ZNF423: variants seen among roughly 807,000 people sequenced by gnomAD.
ZNF423 encodes the protein Ebf-associated zinc finger protein.
A neutral mutation model predicts 95.8 loss-of-function variants in ZNF423; 12 were observed. The ratio of observed to expected loss-of-function variants is 0.13; its 90% confidence interval spans 0.08 to 0.20. The LOEUF (loss-of-function observed/expected upper bound fraction) is 0.20, where lower values mean the gene tolerates loss of function less well. ZNF423 is among the 10% of genes least tolerant of loss of function. The probability of loss-of-function intolerance (pLI) is 1.00; values close to 1 mark genes in which losing one functional copy is unlikely to be tolerated. For missense variants in ZNF423, 1,316 were observed against 1,737.1 expected (o/e 0.76, Z 4.31); for synonymous variants, 749 against 711.9 (o/e 1.05, Z -0.83).
intron 3 of ZNF423, among the ~76,000 whole-genome samples, chr16:49,652,424 T>C (rs1262481976): frequency 6.6e-6 from 1 of 151,170 alleles, no homozygotes; most frequent in Non-Finnish European, 1.5e-5. Context: ...AAGAGGAGCC[T>C]AGTGATCAAC....
intron 1 of ZNF423, among the ~76,000 whole-genome samples, chr16:49,810,095 C>T (rs540852430): frequency 6.6e-6 from 1 of 152,276 alleles, no homozygotes; most frequent in East Asian, 1.9e-4. Context: ...CTTGGGAAGA[C>T]AAACACAGGG....
chr16:49,750,382 G>A (rs577024476), intron 2 of ZNF423, among the ~76,000 whole-genome samples: 1 of 152,312 alleles, frequency 6.6e-6, no homozygotes, highest in African/African-American at 2.4e-5. Context: ...CTCTGTCCTG[G>A]GGGATCCCAG....
At chr16:49,630,950 C>T (rs937321149) in intron 4 of ZNF423, among the ~76,000 whole-genome samples, 2 of 152,050 alleles carry the variant, frequency 1.3e-5, no homozygotes, top group African/African-American at 2.4e-5. Flanking sequence ...TGCAAGCACA[C>T]GTATGCATTC....
intron 5 of ZNF423, among the ~76,000 whole-genome samples, chr16:49,537,805 C>G (rs1969107045): frequency 6.6e-6 from 1 of 152,210 alleles, no homozygotes; most frequent in East Asian, 1.9e-4. Context: ...GGACTGAGAT[C>G]AAATGAGGCC....
At chr16:49,767,966 TC>T (rs1226058892) in intron 2 of ZNF423, among the ~76,000 whole-genome samples, 1 of 152,172 alleles carries the variant, frequency 6.6e-6, no homozygotes, top group Non-Finnish European at 1.5e-5. Flanking sequence ...AAATGAGAAA[TC>T]CCCTCCTTTT....
At chr16:49,614,657 G>T (rs1490875195) in intron 5 of ZNF423, among the ~76,000 whole-genome samples, 1 of 152,198 alleles carries the variant, frequency 6.6e-6, no homozygotes, top group Non-Finnish European at 1.5e-5. Context: ...CAATATCCTG[G>T]ATGTGATATT....
Position 49,668,574 on chromosome 16 carries a change from G to A in ZNF423, c.302-29700C>T, listed in dbSNP as rs1190350767. On this transcript the variant is annotated intron_variant, in intron 3 of 7. Transcript: ENST00000563137. ...TCCTGTTTTCCACTTGATTGGCAGG[G>A]CCCAAGCTGACCCCTGGTATGCCTG... 2.6e-5 allele frequency among the ~76,000 whole-genome samples: 4 copies of A among 152,326 alleles called. No homozygotes were observed. The South Asian group carries it at 6.2e-4, about 24-fold the overall frequency.
chr16:49,598,029 A>G (rs548646181), intron 5 of ZNF423, among the ~76,000 whole-genome samples: 5 of 152,138 alleles, frequency 3.3e-5, no homozygotes, highest in Admixed American at 6.5e-5. Context: ...CCTGCCCACA[A>G]TGCAGAACAG....
intron 2 of ZNF423, among the ~76,000 whole-genome samples, chr16:49,788,023 G>A (rs72780377): frequency 0.1 from 15,815 of 152,206 alleles, 913 homozygotes; most frequent in Middle Eastern, 0.14. Context: ...GGAGACACAC[G>A]GGGGGCTACA....
Position 49,603,667 on chromosome 16 carries a change from C to T in ZNF423, c.3601+22503G>A, listed in dbSNP as rs184148614. On this transcript the variant is annotated intron_variant, in intron 5 of 7. Transcript: ENST00000563137. The surrounding 1 kb of genome is among the most constrained non-coding windows in gnomAD (Gnocchi z 4.1). ...TCAGGTGATCCGCCCACCTCGGCCT[C>T]CCAAAGTCCTGGGATTATGGGTGTA... Among the ~76,000 whole-genome samples, 105 of 152,316 alleles carry T rather than the reference C, an allele frequency of 6.9e-4. 1 individual carries two copies. Among genetic ancestry groups the T allele is most frequent in the Non-Finnish European group, 1.2e-3 (84 of 68,036 alleles).
In ZNF423 at chr16:49,730,526, G is replaced by C. The variant is rs141679719; in HGVS notation, c.301+245C>G. The C allele has an allele frequency of 2.1e-3, 1,147 of 556,646 alleles. 16 individuals carry two copies. Among genetic ancestry groups the C allele is most frequent in the African/African-American group, 0.02 (1,047 of 53,060 alleles). 34.5% of individuals were successfully genotyped at this position (556,646 alleles called of 1,614,324 possible). On this transcript the variant is annotated intron_variant, in intron 3 of 7. Coordinates refer to ENST00000563137, the MANE Select transcript of ZNF423 (RefSeq NM_001379286.1). Reference sequence around the variant, plus strand: ...TTCATGGCCTGAGTACCAGAGCACAGCTTGCGGGGAGAGGGGGCCGGGACA... The same window carrying C: ...TTCATGGCCTGAGTACCAGAGCACACCTTGCGGGGAGAGGGGGCCGGGACA...
chr16:49,858,708 G>A (rs1351225044), upstream of ZNF423, among the ~76,000 whole-genome samples: 2 of 129,458 alleles, frequency 1.5e-5, no homozygotes, highest in Non-Finnish European at 3.3e-5. This position sits in a 1 kb window ranked among gnomAD's most constrained non-coding sequence, Gnocchi z 4.3. Context: ...CTTCCCGGAG[G>A]GAATAGGAGC....
chr16:49,530,486 C>G (rs1164463243), intron 5 of ZNF423, among the ~76,000 whole-genome samples: 4 of 152,198 alleles, frequency 2.6e-5, no homozygotes, highest in Non-Finnish European at 5.9e-5. Context: ...AACATAAACT[C>G]CATGAGGGCT....
Position 49,822,393 on chromosome 16 carries a change from C to T in ZNF423, c.41-32847G>A, listed in dbSNP as rs112669646. Among the ~76,000 whole-genome samples the T allele has an allele frequency of 7.9e-3, 1,196 of 152,178 alleles. 16 individuals are homozygous for T. Among genetic ancestry groups the T allele is most frequent in the African/African-American group, 0.025 (1,047 of 41,516 alleles). ...GTCATCATGTTGGCCAAGTTGGTCTCGAACTCCTGACCTCAGGCGATCCAC... is the reference window on the plus strand; with the variant it reads ...GTCATCATGTTGGCCAAGTTGGTCTTGAACTCCTGACCTCAGGCGATCCAC... On this transcript the variant is annotated intron_variant, in intron 1 of 7. Transcript: ENST00000563137.
intron 3 of ZNF423, among the ~76,000 whole-genome samples, chr16:49,688,974 A>G (rs904270263): frequency 1.3e-5 from 2 of 152,184 alleles, no homozygotes; most frequent in African/African-American, 4.8e-5. Flanking sequence ...AGCCACCTGC[A>G]CTACCCTGGC....
intron 1 of ZNF423, among the ~76,000 whole-genome samples, chr16:49,790,643 C>T (rs1468605312): frequency 6.6e-6 from 1 of 152,248 alleles, no homozygotes; most frequent in Non-Finnish European, 1.5e-5. Flanking sequence ...AGCCACCTTG[C>T]GAGTGGAGCA....
Position 49,635,928 on chromosome 16 carries a change from C to A in ZNF423, c.3248G>T (p.Ser1083Ile). The A allele has an allele frequency of 6.3e-7, 1 of 1,588,782 alleles. No individual in the cohort carries two copies. Among genetic ancestry groups the A allele is most frequent in the Non-Finnish European group, 8.6e-7 (1 of 1,166,914 alleles). The stretch of plus-strand genomic sequence containing the variant: ...GTCAAGCTTCACCAGGTCCTGCTTG[C>A]TGCGGAACTCCTTGAGGCACAGGGC... ...KCALCLKEFRSKQDLVKLDVN... is the reference protein window; with the variant it reads ...KCALCLKEFRIKQDLVKLDVN... Residue 1083 changes from serine (S) to isoleucine (I), a missense_variant, in exon 4 of 8, where the codon AGC becomes ATC. This residue lies in a region of ZNF423 where 620 missense variants were observed against 775.6 expected (regional missense o/e 0.80). Coordinates refer to ENST00000563137, the MANE Select transcript of ZNF423 (RefSeq NM_001379286.1). The surrounding 1 kb of genome is among the most constrained non-coding windows in gnomAD (Gnocchi z 4.8).
intron 1 of ZNF423, among the ~76,000 whole-genome samples, chr16:49,848,487 G>C (rs888404611): frequency 1.5e-4 from 23 of 151,908 alleles, no homozygotes; most frequent in African/African-American, 5.6e-4. Flanking sequence ...ACAAACCCTC[G>C]AGAAGCACAA....
At chr16:49,499,582 G>A (rs896302137) in intron 7 of ZNF423, among the ~76,000 whole-genome samples, 2 of 152,140 alleles carry the variant, frequency 1.3e-5, no homozygotes, top group Non-Finnish European at 2.9e-5. Context: ...GATGCCAACC[G>A]GATCCAGGTT....
Sources: gnomAD v4.1 joint callset for allele counts (sites outside exome capture counted in the v4.1 genomes callset) on GRCh38, gnomAD v4.1.1 for gene constraint, gnomAD v4.1.1 regional missense constraint, Gnocchi (gnomAD v3.1) non-coding constraint, MANE v1.5 for transcripts, NCBI Gene and HGNC (gene_info 2026-07-23, HGNC 2026-07-21) for gene names.